XYLT1: variants seen among roughly 807,000 people sequenced by gnomAD.
XYLT1 encodes beta-D-xylosyltransferase 1.
A neutral mutation model predicts 91.3 loss-of-function variants in XYLT1; 36 were observed. That is an observed-to-expected ratio of 0.39 (90% CI 0.30 to 0.52). The LOEUF is 0.52. Ranked by LOEUF, XYLT1 falls within the 20% of genes least tolerant of loss-of-function variation. XYLT1 has a pLI of 0.68. For synonymous variants in XYLT1, 588 were observed against 532.0 expected (o/e 1.11, Z -1.45); for missense variants, 1,242 against 1,284.5 (o/e 0.97, Z 0.51).
intron 2 of XYLT1, among the ~76,000 whole-genome samples, chr16:17,316,948 G>T (rs546069271): frequency 2.0e-5 from 3 of 150,698 alleles, no homozygotes; most frequent in Admixed American, 1.3e-4. Flanking sequence ...TCAGCCTCCC[G>T]AGTAGCTGGG....
At chr16:17,255,211 C>T (rs113801849) in intron 3 of XYLT1, among the ~76,000 whole-genome samples, 3,491 of 152,104 alleles carry the variant, frequency 0.023, 145 homozygotes, top group African/African-American at 0.078. Context: ...GTTGGCCAGG[C>T]TGGTCTCGAA....
At chr16:17,221,095 CTT>C (rs2032958644) in intron 3 of XYLT1, among the ~76,000 whole-genome samples, 3 of 152,138 alleles carry the variant, frequency 2.0e-5, no homozygotes, top group African/African-American at 7.2e-5. Flanking sequence ...TTCCTTGCCT[CTT>C]GTTAATAATC....
chr16:17,335,482 G>A (rs190548983), intron 2 of XYLT1, among the ~76,000 whole-genome samples: 1 of 152,058 alleles, frequency 6.6e-6, no homozygotes, highest in African/African-American at 2.4e-5. Flanking sequence ...CCTGAGGTCA[G>A]GAGTTCAGGA....
intron 3 of XYLT1, among the ~76,000 whole-genome samples, chr16:17,232,739 T>C (rs1185369522): frequency 6.6e-6 from 1 of 151,520 alleles, no homozygotes; most frequent in Non-Finnish European, 1.5e-5. Flanking sequence ...GAGGTGATAG[T>C]GGTGTTGGCA....
intron 1 of XYLT1, among the ~76,000 whole-genome samples, chr16:17,454,439 A>G (rs928884289): frequency 1.3e-4 from 20 of 152,222 alleles, no homozygotes; most frequent in Admixed American, 9.8e-4. Flanking sequence ...CTTTGTTGCA[A>G]CTACTCAATT....
chr16:17,175,497 G>A (rs2031922094), intron 5 of XYLT1, among the ~76,000 whole-genome samples: 1 of 151,548 alleles, frequency 6.6e-6, no homozygotes, highest in Non-Finnish European at 1.5e-5. Context: ...ACAGCCCACA[G>A]GTAACAGAAA....
chr16:17,307,783 A>G (rs963241609), intron 2 of XYLT1, among the ~76,000 whole-genome samples: 1 of 152,184 alleles, frequency 6.6e-6, no homozygotes, highest in African/African-American at 2.4e-5. Context: ...GGCAGAGTCT[A>G]TAAATGGAAT....
intron 2 of XYLT1, among the ~76,000 whole-genome samples, chr16:17,328,548 CAAAAAAAAAAAA>C (rs71373105): frequency 3.9e-5 from 2 of 51,182 alleles, no homozygotes; most frequent in African/African-American, 9.0e-5. Context: ...GACTCCTTCT[CAAAAAAAAAAAA>C]AAAAAAAAAA....
At chr16:17,462,712 G>A (rs571611265) in intron 1 of XYLT1, among the ~76,000 whole-genome samples, 22 of 152,178 alleles carry the variant, frequency 1.4e-4, no homozygotes, top group Middle Eastern at 3.4e-3. Context: ...CATTGTCCCC[G>A]GCCAAAGAAC....
At chr16:17,245,517 T>C (rs748577535) in intron 3 of XYLT1, among the ~76,000 whole-genome samples, 9 of 152,372 alleles carry the variant, frequency 5.9e-5, no homozygotes, top group Non-Finnish European at 1.3e-4. Context: ...AAGCAAGCAC[T>C]ATTTCAATCG....
chr16:17,456,304 A>G (rs188892802), intron 1 of XYLT1, among the ~76,000 whole-genome samples: 183 of 147,716 alleles, frequency 1.2e-3, no homozygotes, highest in African/African-American at 4.3e-3. Context: ...CAGTGGTACC[A>G]TCTTTGCAGC....
rs745662706 is a variant in XYLT1, at chr16:17,358,008, TTACC to T, written c.402_402+3del. 4 of 1,613,712 alleles carry T rather than the reference TTACC, an allele frequency of 2.5e-6. No individual in the cohort carries two copies. In the African/African-American group the frequency reaches 5.3e-5, roughly 22 times the overall value. ...TAAGTGGCCAAGACAGGAAAGATAC[TTACC>T]TGAGTCTCCAGGGTGATGAGCGGAC... On this transcript the variant is annotated splice_donor_variant and splice_donor_region_variant and coding_sequence_variant and intron_variant, in exon 2 of 12. Transcript: ENST00000261381. LOFTEE classifies it high-confidence loss of function.
At chr16:17,126,065 T>G (rs2030251216) in intron 10 of XYLT1, among the ~76,000 whole-genome samples, 1 of 152,218 alleles carries the variant, frequency 6.6e-6, no homozygotes, top group Non-Finnish European at 1.5e-5. Context: ...TCCTTGCCTT[T>G]CTGTTCATTT....
chr16:17,258,428 TGAGG>T (rs1376486298), intron 3 of XYLT1, among the ~76,000 whole-genome samples: 2 of 122,610 alleles, frequency 1.6e-5, no homozygotes, highest in African/African-American at 6.2e-5. Flanking sequence ...AGGAAGAAAA[TGAGG>T]AAGGAAGGGA....
intron 2 of XYLT1, among the ~76,000 whole-genome samples, chr16:17,300,474 T>TTTTTG (rs869088672): frequency 8.2e-6 from 1 of 122,120 alleles, no homozygotes; most frequent in Non-Finnish European, 1.8e-5. Flanking sequence ...TTTTTTTTTT[T>TTTTTG]GAGATGGAGT....
At chr16:17,438,464 G>A (rs767371787) in intron 1 of XYLT1, among the ~76,000 whole-genome samples, 14 of 152,210 alleles carry the variant, frequency 9.2e-5, no homozygotes, top group African/African-American at 2.6e-4. Context: ...TTAAACATAC[G>A]CTACGTAAGA....
At chr16:17,272,020 C>T (rs1438878700) in intron 2 of XYLT1, among the ~76,000 whole-genome samples, 1 of 152,012 alleles carries the variant, frequency 6.6e-6, no homozygotes, top group African/African-American at 2.4e-5. Context: ...GAAATGGCAG[C>T]TGCATGAGGA....
Position 17,450,133 on chromosome 16 carries a change from T to G in XYLT1, c.363+20301A>C, listed in dbSNP as rs148103624. Among the ~76,000 whole-genome samples, 562 of 150,970 alleles carry G rather than the reference T, an allele frequency of 3.7e-3. 5 individuals are homozygous for G. The highest frequency in any genetic ancestry group is 0.013 in the African/African-American group (543 of 41,078). On this transcript the variant is annotated intron_variant, in intron 1 of 11. Coordinates refer to ENST00000261381, the MANE Select transcript of XYLT1 (RefSeq NM_022166.4). ...CAGGCAGATCACTTGAGGTCAGGAG[T>G]TCAAGACCAGCCTGGCCAACATGGT...
At chr16:17,225,177 A>ACTCTCTCTCTCTCTCTCT (rs1555488928) in intron 3 of XYLT1, among the ~76,000 whole-genome samples, 1 of 147,358 alleles carries the variant, frequency 6.8e-6, no homozygotes, top group African/African-American at 2.5e-5. Context: ...ACACACACAC[A>ACTCTCTCTCTCTCTCTCT]CTCTCTCTCT....
Sources: gnomAD v4.1 joint callset for allele counts (sites outside exome capture counted in the v4.1 genomes callset) on GRCh38, gnomAD v4.1.1 for gene constraint, MANE v1.5 for transcripts, NCBI Gene and HGNC (gene_info 2026-07-23, HGNC 2026-07-21) for gene names.